NT5C2: variants seen among roughly 807,000 people sequenced by gnomAD.
The protein encoded by NT5C2 is 5'-nucleotidase, cytosolic II.
Under a neutral mutation model 76.1 loss-of-function variants are expected in NT5C2, and 58 were observed. The observed-to-expected ratio is 0.76, with a 90% CI of 0.62 to 0.95. The LOEUF is 0.95. Among genes scored for constraint, NT5C2 ranks in the 40% least tolerant of loss-of-function variants. The pLI is 0.00. For missense variants in NT5C2, 478 were observed against 690.3 expected (o/e 0.69, Z 3.45); for synonymous variants, 229 against 237.4 (o/e 0.96, Z 0.32).
Position 103,101,280 on chromosome 10 carries a change from C to T in NT5C2, c.436G>A (p.Asp146Asn). The T allele has an allele frequency of 6.2e-7, 1 of 1,609,702 alleles. No individual in the cohort carries two copies. Among genetic ancestry groups the T allele is most frequent in the Non-Finnish European group, 8.5e-7 (1 of 1,176,658 alleles). Residue 146 changes from aspartate to asparagine, a missense_variant, in exon 7 of 19, where the codon GAT (aspartate) becomes AAT (asparagine). Physicochemically the swap from Asp to Asn is conservative, Grantham distance 23 (BLOSUM62 1). Transcript: ENST00000404739. ...QYPNKFIQRDDTERFYILNTL... is the reference protein window; with the variant it reads ...QYPNKFIQRDNTERFYILNTL... ...TTCAGAATGTAAAATCTTTCAGTAT[C>T]ATCTCGCTGGATAAATTTATTTGGA...
At chr10:103,108,069 C>T (rs767337112) in intron 4 of NT5C2, among the ~76,000 whole-genome samples, 6 of 151,976 alleles carry the variant, frequency 3.9e-5, no homozygotes, top group Non-Finnish European at 7.4e-5. Flanking sequence ...GCAGGAGAAT[C>T]GCTTGAACCC....
intron 1 of NT5C2, among the ~76,000 whole-genome samples, chr10:103,183,026 C>T (rs1037811447): frequency 6.6e-6 from 1 of 151,824 alleles, no homozygotes; most frequent in Non-Finnish European, 1.5e-5. Flanking sequence ...AGCCACAGAC[C>T]AACTTACTTA....
chr10:103,173,300 A>G (rs2088777089), intron 3 of NT5C2, among the ~76,000 whole-genome samples: 1 of 151,646 alleles, frequency 6.6e-6, no homozygotes, highest in South Asian at 2.1e-4. Context: ...AATTACAGTC[A>G]GTTTGTGGTA....
At chr10:103,118,267 C>G (rs1271063225) in intron 4 of NT5C2, among the ~76,000 whole-genome samples, 1 of 151,952 alleles carries the variant, frequency 6.6e-6, no homozygotes. Context: ...CTATGTAAAT[C>G]TATTCACCAT....
At chr10:103,145,331 C>T (rs1719482974) in intron 3 of NT5C2, among the ~76,000 whole-genome samples, 1 of 152,138 alleles carries the variant, frequency 6.6e-6, no homozygotes, top group East Asian at 1.9e-4. Flanking sequence ...CTACTCTTCA[C>T]TGAGGTTATA....
chr10:103,166,799 C>CAA (rs1296749419), intron 3 of NT5C2, among the ~76,000 whole-genome samples: 1 of 152,030 alleles, frequency 6.6e-6, no homozygotes, highest in Non-Finnish European at 1.5e-5. Flanking sequence ...ACGACAGGTG[C>CAA]ACAGCACCAT....
At chr10:103,172,639 C>T (rs2088499652) in intron 3 of NT5C2, among the ~76,000 whole-genome samples, 1 of 151,986 alleles carries the variant, frequency 6.6e-6, no homozygotes. Context: ...AGTTCAAGAC[C>T]AGCCTGGCCA....
chr10:103,156,451 C>G (rs937510177), intron 3 of NT5C2, among the ~76,000 whole-genome samples: 4 of 152,146 alleles, frequency 2.6e-5, no homozygotes, highest in African/African-American at 9.7e-5. Context: ...AATTAAAGTC[C>G]TCTTTTAAAA....
At chr10:103,093,935 A>G in intron 14 of NT5C2, 37 bp downstream of exon 14, 1 of 1,497,662 alleles carries the variant, frequency 6.7e-7, no homozygotes, top group Non-Finnish European at 9.3e-7. Context: ...GTGAGGTCTG[A>G]GCAAAGACAT....
Position 103,149,803 on chromosome 10 carries a change from A to G in NT5C2, c.102-10324T>C, listed in dbSNP as rs1591491003. Among the ~76,000 whole-genome samples, 5 of 152,232 alleles carry G rather than the reference A, an allele frequency of 3.3e-5. No homozygotes were observed. The East Asian group carries it at 9.6e-4, about 29-fold the overall frequency. ...GGTCAAAACCCAGAATTTAAAATAA[A>G]AACAAATAATAAAATTCATTTTGGC... is the stretch of plus-strand genomic sequence containing the variant. On this transcript the variant is annotated intron_variant, in intron 3 of 18. Transcript: ENST00000404739.
At chr10:103,186,141 G>A (rs2135418452) in intron 1 of NT5C2, among the ~76,000 whole-genome samples, 1 of 152,290 alleles carries the variant, frequency 6.6e-6, no homozygotes, top group Non-Finnish European at 1.5e-5. Flanking sequence ...TACGGATTCT[G>A]GAGCCACACT....
At chr10:103,153,375 T>G in intron 3 of NT5C2, 1 of 1,224,772 alleles carries the variant, frequency 8.2e-7, no homozygotes, top group Non-Finnish European at 1.0e-6. Flanking sequence ...TCTTGAGAAC[T>G]GTAGCTCATT....
chr10:103,100,379 T>C (rs983407526), intron 8 of NT5C2, among the ~76,000 whole-genome samples: 1 of 152,244 alleles, frequency 6.6e-6, no homozygotes, highest in Non-Finnish European at 1.5e-5. Flanking sequence ...CTGACTTTCC[T>C]GACACTGTCC....
At chr10:103,132,806 T>TC (rs1313938634) in intron 4 of NT5C2, among the ~76,000 whole-genome samples, 1 of 151,952 alleles carries the variant, frequency 6.6e-6, no homozygotes, top group Non-Finnish European at 1.5e-5. Flanking sequence ...TGCCTCGGTC[T>TC]CCCAAAGTGT....
chr10:103,140,633 T>C (rs1017395432), intron 3 of NT5C2, among the ~76,000 whole-genome samples: 4 of 152,226 alleles, frequency 2.6e-5, no homozygotes, highest in African/African-American at 9.6e-5. Flanking sequence ...GGTGGCTGCA[T>C]CAATTTACAT....
intron 18 of NT5C2, chr10:103,090,352 G>A: frequency 2.5e-6 from 1 of 403,130 alleles, no homozygotes; most frequent in Non-Finnish European, 4.4e-6. Flanking sequence ...AAAGTTCTGG[G>A]GTTACAGGCA....
chr10:103,170,492 A>G (rs904448218), intron 3 of NT5C2, among the ~76,000 whole-genome samples: 6 of 150,738 alleles, frequency 4.0e-5, no homozygotes, highest in African/African-American at 1.5e-4. Context: ...CATTCAGGCT[A>G]TGATACACAC....
intron 2 of NT5C2, among the ~76,000 whole-genome samples, chr10:103,178,187 C>T (rs966061695): frequency 2.6e-5 from 4 of 152,154 alleles, no homozygotes; most frequent in African/African-American, 9.7e-5. Context: ...GAACTTAATC[C>T]ACACGTCTCA....
chr10:103,128,211 C>G (rs1288654003), intron 4 of NT5C2, among the ~76,000 whole-genome samples: 2 of 148,032 alleles, frequency 1.4e-5, no homozygotes, highest in Admixed American at 6.7e-5. Context: ...GAGTGCCTGC[C>G]ATTGCAGGCA....
Sources: allele counts gnomAD v4.1 joint callset (sites outside exome capture counted in the v4.1 genomes callset), GRCh38; gene constraint gnomAD v4.1.1; transcripts MANE v1.5; gene names NCBI Gene and HGNC (gene_info 2026-07-23, HGNC 2026-07-21).